Variants in CORIN observed in about 807,000 individuals in gnomAD.
The protein encoded by CORIN is atrial natriuretic peptide-converting enzyme.
Under a neutral mutation model 125.3 loss-of-function variants are expected in CORIN, and 117 were observed. That is an observed-to-expected ratio of 0.93 (90% confidence interval 0.80 to 1.09). The LOEUF is 1.09. CORIN is among the 50% of genes least tolerant of loss of function. The pLI is 0.00. For missense variants in CORIN, 1,253 were observed against 1,306.7 expected (o/e 0.96, Z 0.63); for synonymous variants, 450 against 466.4 (o/e 0.96, Z 0.45).
chr4:47,743,434 C>G lies in CORIN; in HGVS notation c.799+968G>C, dbSNP rs190386715. On this transcript the variant is annotated intron_variant, in intron 5 of 21. Coordinates refer to ENST00000273857, the MANE Select transcript of CORIN (RefSeq NM_006587.4). ...ATTTGGACAGACATTTCACAATACT[C>G]CCATCAAAATTGTTAAAATGAAAAA... 3.8e-4 allele frequency among the ~76,000 whole-genome samples: 58 copies of G among 152,326 alleles called. 1 individual carries two copies. The East Asian group carries it at 9.8e-3, about 26-fold the overall frequency.
At chr4:47,750,536 C>A (rs1054895256) in intron 4 of CORIN, among the ~76,000 whole-genome samples, 1 of 152,110 alleles carries the variant, frequency 6.6e-6, no homozygotes, top group African/African-American at 2.4e-5. Flanking sequence ...ACCAACAAGG[C>A]ATAGTACAGT....
At chr4:47,688,114 C>T (rs1220161871) in intron 6 of CORIN, among the ~76,000 whole-genome samples, 1 of 152,154 alleles carries the variant, frequency 6.6e-6, no homozygotes, top group East Asian at 1.9e-4. Context: ...TCATGTTGCA[C>T]AGTATACAAA....
At chr4:47,687,654 A>T (rs1050514134) in intron 6 of CORIN, among the ~76,000 whole-genome samples, 1 of 152,202 alleles carries the variant, frequency 6.6e-6, no homozygotes, top group African/African-American at 2.4e-5. Flanking sequence ...TACAGTCTCT[A>T]TGACTATAAA....
intron 4 of CORIN, among the ~76,000 whole-genome samples, chr4:47,762,496 G>A (rs1729515599): frequency 6.6e-6 from 1 of 152,058 alleles, no homozygotes; most frequent in South Asian, 2.1e-4. Flanking sequence ...TTTGATTGAT[G>A]TACTTATTGA....
At chr4:47,738,327 G>C (rs1048270964) in intron 5 of CORIN, among the ~76,000 whole-genome samples, 4 of 152,016 alleles carry the variant, frequency 2.6e-5, no homozygotes, top group African/African-American at 7.2e-5. Context: ...CTATAGTGTC[G>C]ACTCTGCTAC....
At chr4:47,596,705 C>T (rs983564598) in intron 21 of CORIN, among the ~76,000 whole-genome samples, 5 of 152,116 alleles carry the variant, frequency 3.3e-5, no homozygotes, top group Admixed American at 6.5e-5. Context: ...AGAGTAAATA[C>T]GTGAATTCAT....
intron 5 of CORIN, among the ~76,000 whole-genome samples, chr4:47,695,238 G>C (rs1725936495): frequency 6.6e-6 from 1 of 152,198 alleles, no homozygotes; most frequent in South Asian, 2.1e-4. Flanking sequence ...CTGGGTTTAA[G>C]AGAAAGTTTT....
intron 3 of CORIN, 117 bp downstream of exon 3, chr4:47,786,608 T>C: frequency 4.1e-6 from 3 of 733,604 alleles, no homozygotes; most frequent in Non-Finnish European, 6.9e-6. Flanking sequence ...GGAAACTGAG[T>C]GGAGATTTTC....
In CORIN at chr4:47,786,924, T is replaced by A; in HGVS notation, c.210A>T (p.Gly70=). 6.2e-7 allele frequency: 1 copy of A among 1,600,950 alleles called. No individual in the cohort carries two copies. The highest frequency in any genetic ancestry group is 1.1e-5 in the South Asian group (1 of 89,370). ...LLLVILLSYV[G]TLQKVYFKSN... is the part of the protein sequence containing the mutation. ...ATTTAAAATAGACCTTTTGTAATGT[T>A]CCTGAAAGACAAAAACAAACACAAA... Residue 70 remains glycine (G), a splice_region_variant and synonymous_variant, in exon 3 of 22, where the codon GGA becomes GGT. Transcript: ENST00000273857.
At chr4:47,632,442 T>G (rs140588155) in intron 16 of CORIN, 45 of 152,348 alleles carry the variant, frequency 3.0e-4, no homozygotes, top group African/African-American at 1.0e-3. Context: ...TCTTGTCATA[T>G]TCTCCCTGTT....
chr4:47,640,257 G>A (rs951121954), intron 16 of CORIN, among the ~76,000 whole-genome samples: 1 of 152,130 alleles, frequency 6.6e-6, no homozygotes, highest in African/African-American at 2.4e-5. Context: ...TAATCCAAAT[G>A]TCTGAATGGA....
At chr4:47,706,956 G>A (rs1183109332) in intron 5 of CORIN, 24 of 1,596,032 alleles carry the variant, frequency 1.5e-5, no homozygotes, top group Admixed American at 3.4e-5. Context: ...TGGAGAAGGC[G>A]CAATACTCTC....
intron 1 of CORIN, among the ~76,000 whole-genome samples, chr4:47,819,653 T>C (rs1732420730): frequency 6.6e-6 from 1 of 152,172 alleles, no homozygotes; most frequent in Non-Finnish European, 1.5e-5. Flanking sequence ...ATGATCCCAT[T>C]AGCCTTAACT....
At chr4:47,823,197 A>G (rs1409321728) in intron 1 of CORIN, among the ~76,000 whole-genome samples, 1 of 152,144 alleles carries the variant, frequency 6.6e-6, no homozygotes, top group Non-Finnish European at 1.5e-5. Context: ...TACTATCATA[A>G]TTTACTTAGA....
chr4:47,663,143 A>G (rs1007826807), intron 11 of CORIN, among the ~76,000 whole-genome samples: 8 of 152,196 alleles, frequency 5.3e-5, no homozygotes, highest in African/African-American at 1.4e-4. Context: ...GGAAATTACA[A>G]CAATATGCAG....
intron 20 of CORIN, among the ~76,000 whole-genome samples, chr4:47,602,370 A>G (rs1577727109): frequency 6.6e-6 from 1 of 152,354 alleles, no homozygotes; most frequent in East Asian, 1.9e-4. Context: ...TACAGAGTAC[A>G]CATTTTAAAT....
chr4:47,691,825 G>A (rs1725784726), intron 6 of CORIN, among the ~76,000 whole-genome samples: 1 of 151,820 alleles, frequency 6.6e-6, no homozygotes, highest in Non-Finnish European at 1.5e-5. Flanking sequence ...ATGATAAACT[G>A]CCATTCAGTA....
intron 11 of CORIN, 64 bp downstream of exon 11, chr4:47,664,968 A>T (rs1047508728): frequency 4.1e-5 from 44 of 1,071,798 alleles, no homozygotes; most frequent in Middle Eastern, 2.1e-4. Flanking sequence ...AACTCAACTA[A>T]GTCTTCACCC....
intron 4 of CORIN, among the ~76,000 whole-genome samples, chr4:47,756,543 A>G (rs991135670): frequency 1.3e-5 from 2 of 152,252 alleles, no homozygotes; most frequent in East Asian, 1.9e-4. Flanking sequence ...GATTAAGTAC[A>G]CTAAAGAAAA....
Sources: gnomAD v4.1 joint callset for allele counts (sites outside exome capture counted in the v4.1 genomes callset) on GRCh38, gnomAD v4.1.1 for gene constraint, MANE v1.5 for transcripts, NCBI Gene and HGNC (gene_info 2026-07-23, HGNC 2026-07-21) for gene names.